Variants in WDFY3 observed in about 807,000 individuals in gnomAD.
WDFY3 encodes the protein WD repeat and FYVE domain-containing protein 3.
Under a neutral mutation model 409.6 loss-of-function variants are expected in WDFY3, and 66 were observed. The ratio of observed to expected loss-of-function variants is 0.16; its 90% CI spans 0.13 to 0.20. The LOEUF (loss-of-function observed/expected upper bound fraction) is 0.20, where lower values mean the gene tolerates loss of function less well. Ranked by LOEUF, WDFY3 falls within the 10% of genes least tolerant of loss-of-function variation. The pLI is 1.00. For missense variants in WDFY3, 3,031 were observed against 4,298.1 expected, an observed-to-expected ratio of 0.71 and a Z score of 8.24; for synonymous variants, 1,521 against 1,537.1, an observed-to-expected ratio of 0.99 and a Z score of 0.25.
chr4:84,787,361 G>T (rs1188103635), intron 23 of WDFY3, 121 bp downstream of exon 23: 11 of 888,778 alleles, frequency 1.2e-5, no homozygotes, highest in Non-Finnish European at 1.9e-5. Flanking sequence ...TGCTGAAGAA[G>T]ATTAGAGGAG....
chr4:84,882,515 A>G (rs551426958), intron 3 of WDFY3, among the ~76,000 whole-genome samples: 90 of 152,248 alleles, frequency 5.9e-4, no homozygotes, highest in Non-Finnish European at 1.0e-3. Flanking sequence ...AAATTATTTT[A>G]AATTATATGT....
chr4:84,756,920 T>C lies in WDFY3; in HGVS notation c.5424+6A>G. 3 of 1,612,704 alleles carry C rather than the reference T, an allele frequency of 1.9e-6. No homozygotes were observed. The highest frequency in any genetic ancestry group is 2.5e-6 in the Non-Finnish European group (3 of 1,178,924). ...TTTCACGCACCCCTTGCTAGATAAT[T>C]CCTACCTGGCAACCCTGCTTACTCC... On this transcript the variant is annotated splice_donor_region_variant and intron_variant, in intron 33 of 67. Coordinates refer to ENST00000295888, the MANE Select transcript of WDFY3 (RefSeq NM_014991.6).
chr4:84,952,587 C>T (rs1773745251), intron 1 of WDFY3, among the ~76,000 whole-genome samples: 1 of 152,116 alleles, frequency 6.6e-6, no homozygotes, highest in East Asian at 1.9e-4. Flanking sequence ...CCTTCTTCTT[C>T]CAGCTTATTC....
At chr4:84,862,831 C>CA (rs1048633759) in intron 3 of WDFY3, among the ~76,000 whole-genome samples, 12 of 151,328 alleles carry the variant, frequency 7.9e-5, no homozygotes, top group African/African-American at 2.2e-4. Context: ...ACTAAAAGTA[C>CA]AAAAAAAAAT....
chr4:84,877,258 C>T (rs1762918288), intron 3 of WDFY3, among the ~76,000 whole-genome samples: 2 of 152,190 alleles, frequency 1.3e-5, no homozygotes, highest in Admixed American at 6.5e-5. Flanking sequence ...GGGCTCTCCC[C>T]GTCTGGCTCT....
At chr4:84,813,777 TA>T (rs1041477636) in intron 13 of WDFY3, among the ~76,000 whole-genome samples, 2 of 152,028 alleles carry the variant, frequency 1.3e-5, no homozygotes, top group East Asian at 1.9e-4. Flanking sequence ...AATGGTATGT[TA>T]AAAAAAAGTT....
At chr4:84,833,681 GAAAAGAA>G (rs1756104699) in intron 7 of WDFY3, among the ~76,000 whole-genome samples, 1 of 151,558 alleles carries the variant, frequency 6.6e-6, no homozygotes, top group African/African-American at 2.4e-5. Flanking sequence ...GAAAAGAAAA[GAAAAGAA>G]AAGAGAAGAG....
chr4:84,881,353 C>G (rs991142155), intron 3 of WDFY3, among the ~76,000 whole-genome samples: 81 of 152,168 alleles, frequency 5.3e-4, no homozygotes, highest in African/African-American at 1.9e-3. Flanking sequence ...TGCTTCACCT[C>G]AAATATACCA....
At chr4:84,730,529 C>T (rs887746423) in intron 44 of WDFY3, among the ~76,000 whole-genome samples, 1 of 152,154 alleles carries the variant, frequency 6.6e-6, no homozygotes, top group Non-Finnish European at 1.5e-5. Context: ...CCTTACTACA[C>T]TATTTAGCAG....
chr4:84,827,556 T>G (rs1181884570), intron 9 of WDFY3, among the ~76,000 whole-genome samples: 1 of 152,126 alleles, frequency 6.6e-6, no homozygotes, highest in African/African-American at 2.4e-5. Flanking sequence ...ATAAATAAAA[T>G]CTTGTCTACA....
intron 6 of WDFY3, among the ~76,000 whole-genome samples, chr4:84,839,787 G>A (rs572792417): frequency 1.3e-5 from 2 of 152,158 alleles, no homozygotes; most frequent in Middle Eastern, 6.8e-3. Context: ...GAATCTGGGA[G>A]GCGGAGGTTG....
chr4:84,909,621 A>G (rs919740615), intron 2 of WDFY3, among the ~76,000 whole-genome samples: 1 of 152,116 alleles, frequency 6.6e-6, no homozygotes, highest in Non-Finnish European at 1.5e-5. Flanking sequence ...AGTAAAAATT[A>G]TTCCTTATAA....
chr4:84,863,522 T>C (rs766220365), intron 3 of WDFY3, among the ~76,000 whole-genome samples: 3 of 152,214 alleles, frequency 2.0e-5, no homozygotes, highest in Admixed American at 1.3e-4. Flanking sequence ...GCATGTCTTT[T>C]ATGGAGAAAC....
chr4:84,779,732 A>C (rs1272459121), intron 26 of WDFY3, among the ~76,000 whole-genome samples: 1 of 152,120 alleles, frequency 6.6e-6, no homozygotes, highest in Non-Finnish European at 1.5e-5. Context: ...TCTACCATGG[A>C]TTTGGCAATC....
chr4:84,709,470 T>C (rs1454207194), intron 51 of WDFY3, 123 bp from the exon 52 acceptor site: 1 of 726,278 alleles, frequency 1.4e-6, no homozygotes. Context: ...GATCTATTAG[T>C]GGGTCATAAA....
Position 84,880,780 on chromosome 4 carries a change from G to A in WDFY3, c.-32+16131C>T, listed in dbSNP as rs569860904. On this transcript the variant is annotated intron_variant, in intron 3 of 67. Transcript: ENST00000295888. The stretch of plus-strand genomic sequence containing the variant: ...TTACCCAGGCTGGAGTGCAGTGATA[G>A]GATCTCGGCTCACTGCAACCTCTGC... Among the ~76,000 whole-genome samples, 3 of 138,328 alleles carry A rather than the reference G, an allele frequency of 2.2e-5. No homozygotes were observed. In the South Asian group the frequency reaches 7.0e-4, roughly 32 times the overall value. 90.7% of individuals were successfully genotyped at this position (138,328 alleles called of 152,430 possible).
intron 2 of WDFY3, among the ~76,000 whole-genome samples, chr4:84,909,930 T>G (rs1767542800): frequency 6.6e-6 from 1 of 152,170 alleles, no homozygotes; most frequent in South Asian, 2.1e-4. Flanking sequence ...CATAATAAAT[T>G]TAATATTTGC....
At chr4:84,939,477 C>G (rs1227471316) in intron 1 of WDFY3, among the ~76,000 whole-genome samples, 1 of 152,180 alleles carries the variant, frequency 6.6e-6, no homozygotes, top group Non-Finnish European at 1.5e-5. Context: ...AGTTATGACT[C>G]TTGCCCTACC....
chr4:84,774,063 G>T (rs1745146976), intron 29 of WDFY3, among the ~76,000 whole-genome samples: 1 of 152,208 alleles, frequency 6.6e-6, no homozygotes, highest in South Asian at 2.1e-4. Flanking sequence ...TAATAAAAAA[G>T]TGAGTGACTT....
Sources: allele counts gnomAD v4.1 joint callset (sites outside exome capture counted in the v4.1 genomes callset), GRCh38; gene constraint gnomAD v4.1.1; transcripts MANE v1.5; gene names NCBI Gene and HGNC (gene_info 2026-07-23, HGNC 2026-07-21).